Variants in ANKRD29 observed in about 807,000 individuals in gnomAD.
ANKRD29 encodes the protein ankyrin repeat domain 29.
A neutral mutation model predicts 38.0 loss-of-function variants in ANKRD29; 32 were observed. The ratio of observed to expected loss-of-function variants is 0.84; its 90% CI spans 0.64 to 1.13. ANKRD29 has a LOEUF of 1.13. ANKRD29 is among the 50% of genes most tolerant of loss of function. The probability of loss-of-function intolerance (pLI) is 0.00; values close to 1 mark genes in which losing one functional copy is unlikely to be tolerated. For synonymous variants in ANKRD29, 135 were observed against 152.4 expected, an observed-to-expected ratio of 0.89 and a Z score of 0.84; for missense variants, 357 against 377.9, an observed-to-expected ratio of 0.94 and a Z score of 0.46.
chr18:23,620,648 T>TC (rs1230871269), intron 6 of ANKRD29, among the ~76,000 whole-genome samples: 1 of 152,018 alleles, frequency 6.6e-6, no homozygotes, highest in East Asian at 1.9e-4. Flanking sequence ...ATCAGGTCAG[T>TC]TATGGGGAAT....
chr18:23,661,977 C>G (rs1337675705), intron 1 of ANKRD29, among the ~76,000 whole-genome samples: 3 of 148,022 alleles, frequency 2.0e-5, no homozygotes, highest in Non-Finnish European at 4.5e-5. Flanking sequence ...TTATTGGCTG[C>G]AAAACCGTGG....
chr18:23,601,354 G>A, intron 9 of ANKRD29, 45 bp from the exon 10 acceptor site: 1 of 1,558,726 alleles, frequency 6.4e-7, no homozygotes, highest in Non-Finnish European at 8.9e-7. Context: ...CATAGCTGGT[G>A]TGGTTTTAGG....
chr18:23,649,095 G>A lies in ANKRD29; in HGVS notation c.120C>T (p.Asp40=), dbSNP rs2060177890. Residue 40 remains aspartate (D), a synonymous_variant, in exon 2 of 10, where the codon GAC becomes GAT. Coordinates refer to ENST00000592179, the MANE Select transcript of ANKRD29 (RefSeq NM_173505.4). Reference sequence around the variant, plus strand: ...CGAACCACCGTACGCTGTCTCTGCAGTCCACGTCCACCCGGCCGCTGTTCA... The same window carrying A: ...CGAACCACCGTACGCTGTCTCTGCAATCCACGTCCACCCGGCCGCTGTTCA... ...LLLNSGRVDV[D]CRDSHGTTLL... The A allele has an allele frequency of 6.2e-7, 1 of 1,614,144 alleles. No individual in the cohort carries two copies. The highest frequency in any genetic ancestry group is 8.5e-7 in the Non-Finnish European group (1 of 1,179,984).
rs758673649 is a variant in ANKRD29 at position 23,634,050 on chromosome 18, C to T, written c.429+1G>A. The T allele has an allele frequency of 2.5e-6, 4 of 1,614,106 alleles. No individual in the cohort carries two copies. The highest frequency in any genetic ancestry group is 1.3e-5 in the African/African-American group (1 of 75,030). ...CTAATGTCCCCCTGAAATGCACTCA[C>T]ATAAAGTTGGTCATGGATGTTTGCT... is the stretch of plus-strand genomic sequence containing the variant. On this transcript the variant is annotated splice_donor_variant, in intron 5 of 9. Coordinates refer to ENST00000592179, the MANE Select transcript of ANKRD29 (RefSeq NM_173505.4). LOFTEE classifies it high-confidence loss of function.
At chr18:23,616,565 C>CAGTATATATATATATAT (rs1568013705) in intron 8 of ANKRD29, among the ~76,000 whole-genome samples, 8 of 138,332 alleles carry the variant, frequency 5.8e-5, no homozygotes, top group Non-Finnish European at 1.1e-4. Flanking sequence ...TATATATATA[C>CAGTATATATATATATAT]ACTATATATA....
chr18:23,636,169 G>A (rs573536516), intron 4 of ANKRD29, among the ~76,000 whole-genome samples: 1 of 152,336 alleles, frequency 6.6e-6, no homozygotes, highest in Non-Finnish European at 1.5e-5. Context: ...TCAGGGTCCT[G>A]CTCTGTCGCC....
At chr18:23,643,370 G>C (rs2060101694) in intron 3 of ANKRD29, among the ~76,000 whole-genome samples, 1 of 152,180 alleles carries the variant, frequency 6.6e-6, no homozygotes, top group Admixed American at 6.5e-5. Flanking sequence ...AATAGTTCTG[G>C]AGGAAGAAAC....
intron 4 of ANKRD29, 79 bp from the exon 5 acceptor site, chr18:23,634,228 G>T: frequency 2.1e-6 from 2 of 950,408 alleles, no homozygotes; most frequent in South Asian, 1.5e-5. Flanking sequence ...CACATACATA[G>T]AATTTAGGAA....
chr18:23,659,541 G>A (rs1054886895), intron 1 of ANKRD29, among the ~76,000 whole-genome samples: 10 of 151,848 alleles, frequency 6.6e-5, no homozygotes, highest in African/African-American at 1.9e-4. Flanking sequence ...TCAAGAGATC[G>A]AGACCATCCT....
At chr18:23,616,346 T>G (rs1171653880) in intron 8 of ANKRD29, among the ~76,000 whole-genome samples, 1 of 149,478 alleles carries the variant, frequency 6.7e-6, no homozygotes, top group Non-Finnish European at 1.5e-5. Flanking sequence ...TTGGACAATA[T>G]AGTGAGACCC....
In ANKRD29 at chr18:23,630,155, C is replaced by T. The variant is rs538199411; in HGVS notation, c.430-204G>A. 5.3e-5 allele frequency among the ~76,000 whole-genome samples: 8 copies of T among 152,016 alleles called. No homozygotes were observed. The South Asian group carries it at 1.0e-3, about 20-fold the overall frequency. ...AACACAAAAATTAGGCTGGGCACGG[C>T]GGCTCACGCCTGTAATCCTAGCACT... On this transcript the variant is annotated intron_variant, in intron 5 of 9. Coordinates refer to ENST00000592179, the MANE Select transcript of ANKRD29 (RefSeq NM_173505.4).
chr18:23,657,985 AT>A (rs771367569), intron 1 of ANKRD29, among the ~76,000 whole-genome samples: 85 of 152,242 alleles, frequency 5.6e-4, no homozygotes, highest in Non-Finnish European at 1.1e-3. Flanking sequence ...TTAAGTTCTA[AT>A]AATATTTGCC....
At position 23,619,585 on chromosome 18, in the gene ANKRD29, G is replaced by T. The variant is rs769632201; in HGVS notation, c.573C>A (p.Ser191Arg). The change falls in exon 7 of 10, where the codon AGC becomes AGA. Residue 191 changes from serine (S) to arginine (R), a missense_variant. By Grantham distance (110) the Ser-to-Arg change is moderately radical (BLOSUM62 -1). Transcript: ENST00000592179. ...PLWIASQMGHSEVVRVMLLRG... is the reference protein window; with the variant it reads ...PLWIASQMGHREVVRVMLLRG... ...GCAGCAGCATCACCCGCACCACCTC[G>T]CTGTGGCCCATCTGGGACGCGATCC... 8 of 1,597,422 alleles carry T rather than the reference G, an allele frequency of 5.0e-6. No homozygotes were observed. Among genetic ancestry groups the T allele is most frequent in the Non-Finnish European group, 6.8e-6 (8 of 1,178,982 alleles).
intron 9 of ANKRD29, among the ~76,000 whole-genome samples, chr18:23,603,412 C>T (rs2059537327): frequency 6.6e-6 from 1 of 152,230 alleles, no homozygotes; most frequent in Non-Finnish European, 1.5e-5. Flanking sequence ...GCAAGTGGAT[C>T]ACCTGAGGTC....
At chr18:23,633,856 ACCGCGCCCGGC>A (rs1051876861) in intron 5 of ANKRD29, among the ~76,000 whole-genome samples, 184 bp downstream of exon 5, 4 of 150,972 alleles carry the variant, frequency 2.6e-5, no homozygotes, top group Admixed American at 1.3e-4. Flanking sequence ...GGCGTGAACC[ACCGCGCCCGGC>A]CAGATATGTG....
intron 2 of ANKRD29, among the ~76,000 whole-genome samples, chr18:23,648,219 A>G (rs965715203): frequency 2.6e-5 from 4 of 152,234 alleles, no homozygotes; most frequent in Non-Finnish European, 5.9e-5. Context: ...CTGTGGGACT[A>G]AGAGCGAGAA....
intron 2 of ANKRD29, among the ~76,000 whole-genome samples, chr18:23,648,222 AG>A (rs1342881195): frequency 3.3e-5 from 5 of 152,210 alleles, no homozygotes; most frequent in South Asian, 4.1e-4. Flanking sequence ...TGGGACTAAG[AG>A]CGAGAAGGGT....
chr18:23,660,180 G>T (rs12970798), intron 1 of ANKRD29, among the ~76,000 whole-genome samples: 1 of 152,024 alleles, frequency 6.6e-6, no homozygotes, highest in East Asian at 1.9e-4. Context: ...AATGCATGCA[G>T]ATTCAATTTC....
At chr18:23,645,890 T>C (rs1418676947) in intron 3 of ANKRD29, among the ~76,000 whole-genome samples, 1 of 151,880 alleles carries the variant, frequency 6.6e-6, no homozygotes, top group Non-Finnish European at 1.5e-5. Flanking sequence ...TCCTACAGTA[T>C]CTCATCCCAA....
Sources: allele counts gnomAD v4.1 joint callset (sites outside exome capture counted in the v4.1 genomes callset), GRCh38; gene constraint gnomAD v4.1.1; transcripts MANE v1.5; gene names NCBI Gene and HGNC (gene_info 2026-07-23, HGNC 2026-07-21).